The following GPR158 variants were observed in gnomAD, a reference collection of about 807,000 sequenced individuals.
The protein encoded by GPR158 is G protein-coupled receptor 158.
In GPR158, 30 loss-of-function variants were observed where a neutral mutation model predicts 78.2. That is an observed-to-expected ratio of 0.38 (90% CI 0.29 to 0.52). GPR158 has a LOEUF of 0.52. GPR158 is among the 20% of genes least tolerant of loss of function. The pLI, the probability that GPR158 is intolerant of heterozygous loss-of-function variation, is 0.83. For missense variants in GPR158, 1,463 were observed against 1,523.5 expected (o/e 0.96, Z 0.66); for synonymous variants, 581 against 591.1 (o/e 0.98, Z 0.25).
intron 2 of GPR158, among the ~76,000 whole-genome samples, chr10:25,366,403 T>C (rs2130541566): frequency 6.6e-6 from 1 of 151,806 alleles, no homozygotes; most frequent in South Asian, 2.1e-4. Context: ...TTTGTCCATT[T>C]TGATGACTGA....
chr10:25,553,666 G>A (rs185299865), intron 6 of GPR158, among the ~76,000 whole-genome samples: 11 of 152,154 alleles, frequency 7.2e-5, no homozygotes, highest in African/African-American at 1.9e-4. Flanking sequence ...ATGGGTGGAC[G>A]GTCCTAGTGA....
chr10:25,483,355 A>G (rs1296561362), intron 5 of GPR158, among the ~76,000 whole-genome samples: 1 of 151,996 alleles, frequency 6.6e-6, no homozygotes, highest in South Asian at 2.1e-4. Flanking sequence ...AAGCGCTTGC[A>G]CTGACTATTG....
At chr10:25,382,073 G>T (rs1047651406) in intron 2 of GPR158, among the ~76,000 whole-genome samples, 14 of 152,180 alleles carry the variant, frequency 9.2e-5, no homozygotes, top group Admixed American at 9.2e-4. Flanking sequence ...CGGGGAGCAT[G>T]GGGTGTCAAA....
chr10:25,555,408 T>C (rs1193991748), intron 6 of GPR158, among the ~76,000 whole-genome samples: 1 of 152,152 alleles, frequency 6.6e-6, no homozygotes, highest in Non-Finnish European at 1.5e-5. Context: ...ACGATGTTTA[T>C]TTACAAAAAG....
At chr10:25,221,290 T>G (rs1853296553) in intron 2 of GPR158, 133 bp downstream of exon 2, 1 of 520,420 alleles carries the variant, frequency 1.9e-6, no homozygotes, top group East Asian at 3.1e-5. Flanking sequence ...TGCTGCCAAA[T>G]GAACTAAAAT....
At chr10:25,530,814 T>G (rs958054218) in intron 5 of GPR158, among the ~76,000 whole-genome samples, 2 of 152,200 alleles carry the variant, frequency 1.3e-5, no homozygotes, top group Admixed American at 1.3e-4. Flanking sequence ...CAATTCTTTC[T>G]TCATCAGTAC....
At chr10:25,222,039 A>T (rs1456620364) in intron 2 of GPR158, among the ~76,000 whole-genome samples, 1 of 152,156 alleles carries the variant, frequency 6.6e-6, no homozygotes, top group African/African-American at 2.4e-5. Context: ...AAGGAATTTT[A>T]AATCAGAAGG....
At chr10:25,198,860 A>G (rs1009594717) in intron 1 of GPR158, among the ~76,000 whole-genome samples, 2 of 152,036 alleles carry the variant, frequency 1.3e-5, no homozygotes, top group Non-Finnish European at 2.9e-5. Context: ...TGCTCTGGCT[A>G]TAAGTGGGGT....
intron 2 of GPR158, among the ~76,000 whole-genome samples, chr10:25,276,769 T>G (rs1854188227): frequency 6.6e-6 from 1 of 152,082 alleles, no homozygotes. Flanking sequence ...GAAGGAAACC[T>G]AAGCAAGAAA....
intron 5 of GPR158, among the ~76,000 whole-genome samples, chr10:25,538,988 G>A (rs1425311718): frequency 6.6e-6 from 1 of 152,172 alleles, no homozygotes; most frequent in African/African-American, 2.4e-5. Flanking sequence ...TTCTCATAGA[G>A]AGATGGGAAA....
rs1377291760 is a variant in GPR158, at chr10:25,455,464, G to C, written c.1336-11187G>C. Among the ~76,000 whole-genome samples, 3 of 151,712 alleles carry C rather than the reference G, an allele frequency of 2.0e-5. No individual in the cohort carries two copies. In the East Asian group the frequency reaches 5.8e-4, roughly 29 times the overall value. On this transcript the variant is annotated intron_variant, in intron 4 of 10. Coordinates refer to ENST00000376351, the MANE Select transcript of GPR158 (RefSeq NM_020752.3). ...AGTAATTCTCTACTGTCAGATTTCT[G>C]TATGTATTTAATTATTTCTCTTCTG...
chr10:25,387,231 T>C (rs1031816365), intron 2 of GPR158, among the ~76,000 whole-genome samples: 1 of 152,200 alleles, frequency 6.6e-6, no homozygotes, highest in Non-Finnish European at 1.5e-5. Flanking sequence ...CTTGAGATGA[T>C]CGTTTGGTTT....
intron 5 of GPR158, among the ~76,000 whole-genome samples, chr10:25,476,384 G>GTTTTTTTT (rs56271781): frequency 1.4e-5 from 2 of 144,436 alleles, no homozygotes. Flanking sequence ...TTTAATAAGG[G>GTTTTTTTT]TTTTTTTTTT....
rs75844375 is a variant in GPR158 at position 25,377,098 on chromosome 10, A to G, written c.1009-18813A>G. On this transcript the variant is annotated intron_variant, in intron 2 of 10. Transcript: ENST00000376351. ...GTATCTTTGAGCATTTTTAGCCACT[A>G]TCTTTTAAAATGGTTCTTTTTGCCT... 1.6e-3 allele frequency among the ~76,000 whole-genome samples: 245 copies of G among 151,860 alleles called. 2 individuals are homozygous for G. In the East Asian group the frequency reaches 0.02, roughly 13 times the overall value.
chr10:25,211,450 TACTCGTGC>T (rs1296914197), intron 1 of GPR158, among the ~76,000 whole-genome samples: 2 of 152,164 alleles, frequency 1.3e-5, no homozygotes, highest in Non-Finnish European at 2.9e-5. Context: ...CAAAAGAGCC[TACTCGTGC>T]ACAGGAAAAA....
chr10:25,404,009 A>G (rs980531663), intron 3 of GPR158, among the ~76,000 whole-genome samples: 9 of 152,120 alleles, frequency 5.9e-5, no homozygotes, highest in African/African-American at 2.2e-4. Flanking sequence ...TAAGCTTAAG[A>G]TACCATTAAA....
At chr10:25,423,701 A>G (rs1564451478) in intron 4 of GPR158, among the ~76,000 whole-genome samples, 2 of 152,170 alleles carry the variant, frequency 1.3e-5, no homozygotes, top group Non-Finnish European at 2.9e-5. Flanking sequence ...ATGTCCCTAC[A>G]AAGGACATGA....
chr10:25,217,309 C>T (rs1347657431), intron 1 of GPR158, among the ~76,000 whole-genome samples: 4 of 152,058 alleles, frequency 2.6e-5, no homozygotes, highest in Non-Finnish European at 4.4e-5. Context: ...TGTCTGTGGT[C>T]ACTTCTGTGT....
chr10:25,402,476 G>T (rs1834460966), intron 3 of GPR158, among the ~76,000 whole-genome samples: 1 of 152,044 alleles, frequency 6.6e-6, no homozygotes, highest in Admixed American at 6.6e-5. Context: ...TTCCAACTTT[G>T]ATAACTGTAA....
Sources: allele counts gnomAD v4.1 joint callset (sites outside exome capture counted in the v4.1 genomes callset), GRCh38; gene constraint gnomAD v4.1.1; transcripts MANE v1.5; gene names NCBI Gene and HGNC (gene_info 2026-07-23, HGNC 2026-07-21).